Variants in GCN1 observed in about 807,000 individuals in gnomAD.
GCN1 encodes the protein stalled ribosome sensor GCN1.
GCN1 carries 90 observed loss-of-function variants against 288.4 expected under a neutral mutation model. The ratio of observed to expected loss-of-function variants is 0.31; its 90% confidence interval spans 0.26 to 0.37. The LOEUF is 0.37. GCN1 is among the 10% of genes least tolerant of loss of function. The probability of loss-of-function intolerance (pLI) is 1.00; values close to 1 mark genes in which losing one functional copy is unlikely to be tolerated. For missense variants in GCN1, 2,586 were observed against 3,419.9 expected, an observed-to-expected ratio of 0.76 and a Z score of 6.08; for synonymous variants, 1,386 against 1,420.2, an observed-to-expected ratio of 0.98 and a Z score of 0.54.
chr12:120,133,229 C>A (rs2286043), intron 53 of GCN1, among the ~76,000 whole-genome samples: 38,745 of 151,888 alleles, frequency 0.26, 6,614 homozygotes, highest in East Asian at 0.56. Flanking sequence ...GTGTCAATGA[C>A]GTGTAAAACC....
rs1020660185 is a variant in GCN1, at chr12:120,149,664, C to T, written c.4488G>A (p.Lys1496=). 4 of 1,614,080 alleles carry T rather than the reference C, an allele frequency of 2.5e-6. No individual in the cohort carries two copies. Among genetic ancestry groups the T allele is most frequent in the Admixed American group, 3.3e-5 (2 of 60,018 alleles). The stretch of plus-strand genomic sequence containing the variant: ...CAGCCAGTAAGGAGGGGAGCACCAG[C>T]TTCACCCCGTGAGCACTCAAGTTGC... The part of the protein sequence containing the change: ...VMSNLSAHGV[K]LVLPSLLAAL... Residue 1496 remains lysine (K), a synonymous_variant, in exon 36 of 58, where the codon AAG becomes AAA. Transcript: ENST00000300648.
chr12:120,190,242 A>T, intron 2 of GCN1, 56 bp downstream of exon 2: 2 of 901,028 alleles, frequency 2.2e-6, no homozygotes, highest in East Asian at 2.5e-5. Flanking sequence ...AAAAAAAAAA[A>T]GAAAGAAAGA....
In GCN1 at chr12:120,156,460, C is replaced by A; in HGVS notation, c.3312+1G>T. 1 of 1,613,536 alleles carries A rather than the reference C, an allele frequency of 6.2e-7. No individual in the cohort carries two copies. The highest frequency in any genetic ancestry group is 8.5e-7 in the Non-Finnish European group (1 of 1,179,886). On this transcript the variant is annotated splice_donor_variant, in intron 28 of 57. Coordinates refer to ENST00000300648, the MANE Select transcript of GCN1 (RefSeq NM_006836.2). LOFTEE classifies it high-confidence loss of function. The surrounding 1 kb of genome is among the most constrained non-coding windows in gnomAD (Gnocchi z 5.8). ...CAGTGGCTCTGAGACTGAGCACACA[C>A]CCGGAGCACGGTTTCCCGCACGCTG...
intron 2 of GCN1, among the ~76,000 whole-genome samples, chr12:120,188,260 C>A (rs1878884252): frequency 6.6e-6 from 1 of 151,884 alleles, no homozygotes; most frequent in Non-Finnish European, 1.5e-5. Flanking sequence ...ATGGTGAAAC[C>A]CCATCTCTAC....
Position 120,184,250 on chromosome 12 carries a change from G to A in GCN1, c.186-7C>T. 1 of 1,610,488 alleles carries A rather than the reference G, an allele frequency of 6.2e-7. No individual in the cohort carries two copies. Among genetic ancestry groups the A allele is most frequent in the East Asian group, 2.2e-5 (1 of 44,846 alleles). On this transcript the variant is annotated splice_polypyrimidine_tract_variant and splice_region_variant and intron_variant, in intron 3 of 57. Transcript: ENST00000300648. The stretch of plus-strand genomic sequence containing the variant: ...CCTGCGGGAGGCTGCATCTCTAGGG[G>A]GAGAGGCAAAGGAAAGGGTGAACAT...
In GCN1 at chr12:120,160,353, T is replaced by C. The variant is rs1201256511; in HGVS notation, c.2437-98A>G. The C allele has an allele frequency of 7.3e-6, 6 of 816,870 alleles. No individual in the cohort carries two copies. In the East Asian group the frequency reaches 1.0e-4, roughly 14 times the overall value. 50.6% of individuals were successfully genotyped at this position (816,870 alleles called of 1,614,324 possible). On this transcript the variant is annotated intron_variant, in intron 22 of 57. Transcript: ENST00000300648. ...GCTTGCTTCCACACAAACAGCACCA[T>C]ACCAGCTCTAAGTGTGAGTTGGGCC...
intron 5 of GCN1, among the ~76,000 whole-genome samples, chr12:120,183,006 T>C (rs957174981): frequency 1.7e-4 from 25 of 149,818 alleles, no homozygotes; most frequent in African/African-American, 6.1e-4. Context: ...ACACTAAGCC[T>C]ACCCAGGCAC....
At chr12:120,181,465 CAAAAAAAA>C (rs71072594) in intron 5 of GCN1, among the ~76,000 whole-genome samples, 2 of 74,038 alleles carry the variant, frequency 2.7e-5, no homozygotes, top group African/African-American at 1.2e-4. Context: ...ATCTTTGTCT[CAAAAAAAA>C]AAAAAAAAAA....
chr12:120,139,914 TA>T (rs1877135141), intron 45 of GCN1, among the ~76,000 whole-genome samples: 1 of 152,204 alleles, frequency 6.6e-6, no homozygotes, highest in Non-Finnish European at 1.5e-5. Flanking sequence ...GCTCCCTCAG[TA>T]ACGATCCCAG....
Position 120,130,754 on chromosome 12 carries a change from C to T in GCN1, c.7564-1G>A. On this transcript the variant is annotated splice_acceptor_variant, in intron 55 of 57. Coordinates refer to ENST00000300648, the MANE Select transcript of GCN1 (RefSeq NM_006836.2). LOFTEE classifies it high-confidence loss of function. The stretch of plus-strand genomic sequence containing the variant: ...GGACCCCGCTCACCGCAATGGGGAT[C>T]TGTGGAGAACAGACAGCGCTAGACG... 6.2e-7 allele frequency: 1 copy of T among 1,603,524 alleles called. No individual in the cohort carries two copies. Among genetic ancestry groups the T allele is most frequent in the Non-Finnish European group, 8.5e-7 (1 of 1,170,692 alleles).
Position 120,164,482 on chromosome 12 carries a change from C to G in GCN1, c.1702G>C (p.Ala568Pro). The change falls in exon 18 of 58, where the codon GCT (alanine) becomes CCT (proline). Residue 568 changes from alanine (A) to proline (P), a missense_variant. By Grantham distance (27) the Ala-to-Pro change is conservative. Around this residue, in one of 8 missense-constraint regions of GCN1, gnomAD observed 913 missense variants for 1,107.0 expected, o/e 0.82. Coordinates refer to ENST00000300648, the MANE Select transcript of GCN1 (RefSeq NM_006836.2). The stretch of plus-strand genomic sequence containing the variant: ...CGGCTCAGGAGCACCGCCACCAGAG[C>G]CCGGTGGTACTGCCTGCAAGCACAG... ...TGNKVQQYHRALVAVLLSRTW... is the reference protein window; with the variant it reads ...TGNKVQQYHRPLVAVLLSRTW... 6.2e-7 allele frequency: 1 copy of G among 1,613,964 alleles called. No individual in the cohort carries two copies. The highest frequency in any genetic ancestry group is 2.2e-5 in the East Asian group (1 of 44,882).
intron 26 of GCN1, 105 bp downstream of exon 26, chr12:120,157,744 T>G: frequency 1.1e-6 from 1 of 931,086 alleles, no homozygotes; most frequent in East Asian, 2.5e-5. Context: ...AAACATACAC[T>G]CTCTATTTCC....
In GCN1 at chr12:120,136,645, A is replaced by G; in HGVS notation, c.6865T>C (p.Leu2289=). 2 of 1,614,182 alleles carry G rather than the reference A, an allele frequency of 1.2e-6. No homozygotes were observed. The highest frequency in any genetic ancestry group is 1.1e-5 in the South Asian group (1 of 91,086). The change falls in exon 51 of 58, where the codon TTG becomes CTG. Residue 2289 remains leucine, a synonymous_variant. Transcript: ENST00000300648. ...QKEEAAKALG[L]VIRLTSADAL... ...TCAGCCGAGGTCAGGCGGATTACCAAGCCTAAGGCTTTGGCTGCCTCCTCC... is the reference window on the plus strand; with the variant it reads ...TCAGCCGAGGTCAGGCGGATTACCAGGCCTAAGGCTTTGGCTGCCTCCTCC...
In GCN1 at chr12:120,165,002, T is replaced by TATACAC. The variant is rs533586250; in HGVS notation, c.1613-282_1613-281insGTGTAT. 9.0e-4 allele frequency among the ~76,000 whole-genome samples: 123 copies of TATACAC among 136,896 alleles called. 2 individuals carry two copies. In the East Asian group the frequency reaches 0.021, roughly 23 times the overall value. The allele number at this position is 136,896 out of a possible 152,430, so 89.8% of individuals were successfully genotyped here. On this transcript the variant is annotated intron_variant, in intron 16 of 57. Transcript: ENST00000300648. ...ATACATATACATATATACACATATA[T>TATACAC]ACACACACACACACACACACACACA...
Position 120,156,799 on chromosome 12 carries a change from C to G in GCN1, c.3168+113G>C. On this transcript the variant is annotated intron_variant, in intron 27 of 57. Transcript: ENST00000300648. This position sits in a 1 kb window ranked among gnomAD's most constrained non-coding sequence, Gnocchi z 5.8. ...TGGCTCTCTAAAGCAGTCTTTCTAC[C>G]AAAGTCCAAAAGTAAGGGCTGAAAG... The G allele has an allele frequency of 2.1e-6, 2 of 960,532 alleles. No homozygotes were observed. The highest frequency in any genetic ancestry group is 3.7e-5 in the Admixed American group (2 of 53,588). 59.5% of individuals were successfully genotyped at this position (960,532 alleles called of 1,614,324 possible). A position where few individuals can be genotyped will look rare whatever the true frequency, so the allele number is the denominator to read the frequency against.
intron 16 of GCN1, among the ~76,000 whole-genome samples, chr12:120,166,893 A>T (rs1878148045): frequency 6.6e-6 from 1 of 151,808 alleles, no homozygotes; most frequent in African/African-American, 2.4e-5. Flanking sequence ...GTGCACCTGT[A>T]GTCCCAGCTA....
Position 120,151,296 on chromosome 12 carries a change from C to T in GCN1, c.4158G>A (p.Leu1386=). The T allele has an allele frequency of 1.2e-6, 2 of 1,614,184 alleles. No homozygotes were observed. The highest frequency in any genetic ancestry group is 1.7e-6 in the Non-Finnish European group (2 of 1,180,034). The change falls in exon 34 of 58, where the codon CTG becomes CTA. Residue 1386 remains leucine (L), a synonymous_variant. Transcript: ENST00000300648. Reference sequence around the variant, plus strand: ...TGCGCTCTGCGTACTTGTCTGACTCCAGCAGCTGCTGCATAAGCCTCTGGA... The same window carrying T: ...TGCGCTCTGCGTACTTGTCTGACTCTAGCAGCTGCTGCATAAGCCTCTGGA... ...GMIQRLMQQL[L]ESDKYAERKG...
In GCN1 at chr12:120,158,587, G is replaced by A. The variant is rs751899994; in HGVS notation, c.2778C>T (p.Arg926=). ...LGTLVSHVTL[R]LLKPECVLDK... The stretch of plus-strand genomic sequence containing the variant: ...CCAGGACACACTCTGGCTTCAGCAG[G>A]CGCAGGGTCACGTGGCTCACCAAAG... Residue 926 remains arginine, a synonymous_variant, in exon 25 of 58, where the codon CGC becomes CGT. Transcript: ENST00000300648. This position sits in a 1 kb window ranked among gnomAD's most constrained non-coding sequence, Gnocchi z 4.3. 6.2e-7 allele frequency: 1 copy of A among 1,608,726 alleles called. No individual in the cohort carries two copies. Among genetic ancestry groups the A allele is most frequent in the South Asian group, 1.1e-5 (1 of 89,724 alleles).
chr12:120,187,092 C>T (rs1878845170), intron 2 of GCN1, among the ~76,000 whole-genome samples: 1 of 152,106 alleles, frequency 6.6e-6, no homozygotes, highest in Non-Finnish European at 1.5e-5. Flanking sequence ...AGTTTACAAG[C>T]TTGGGTATCT....
Sources: gnomAD v4.1 joint callset for allele counts (sites outside exome capture counted in the v4.1 genomes callset) on GRCh38, gnomAD v4.1.1 for gene constraint, gnomAD v4.1.1 regional missense constraint, Gnocchi (gnomAD v3.1) non-coding constraint, MANE v1.5 for transcripts, NCBI Gene and HGNC (gene_info 2026-07-23, HGNC 2026-07-21) for gene names.